Variants in ADAMTS6 observed in about 807,000 individuals in gnomAD.
The protein encoded by ADAMTS6 is ADAM metallopeptidase with thrombospondin type 1 motif 6.
In ADAMTS6, 23 loss-of-function variants were observed where a neutral mutation model predicts 144.3. The ratio of observed to expected loss-of-function variants is 0.16; its 90% CI spans 0.11 to 0.23. The LOEUF (loss-of-function observed/expected upper bound fraction) is 0.23. Ranked by LOEUF, ADAMTS6 falls within the 10% of genes least tolerant of loss-of-function variation. ADAMTS6 has a pLI of 1.00. For synonymous variants in ADAMTS6, 444 were observed against 457.5 expected (o/e 0.97, Z 0.38); for missense variants, 999 against 1,379.6 (o/e 0.72, Z 4.37).
chr5:65,152,811 T>C (rs1243022603), intron 24 of ADAMTS6, among the ~76,000 whole-genome samples: 2 of 152,242 alleles, frequency 1.3e-5, no homozygotes, highest in Non-Finnish European at 2.9e-5. Context: ...ATAATATTCT[T>C]TTCCAGTATT....
At chr5:65,265,225 T>C (rs1761518570) in intron 12 of ADAMTS6, among the ~76,000 whole-genome samples, 1 of 151,876 alleles carries the variant, frequency 6.6e-6, no homozygotes, top group Non-Finnish European at 1.5e-5. Context: ...AAAATTATCA[T>C]GAAGAAAAAA....
At position 65,262,839 on chromosome 5, in the gene ADAMTS6, G is replaced by A; in HGVS notation, c.1744C>T (p.Leu582=). 1.3e-6 allele frequency: 2 copies of A among 1,563,082 alleles called. No homozygotes were observed. The highest frequency in any genetic ancestry group is 1.7e-6 in the Non-Finnish European group (2 of 1,159,654). Residue 582 remains leucine (L), a synonymous_variant, in exon 13 of 25, where the codon CTA becomes TTA. Coordinates refer to ENST00000381055, the MANE Select transcript of ADAMTS6 (RefSeq NM_197941.4). Reference sequence around the variant, plus strand: ...TACGCTGGACTGTCACAGTGTCTTAGGGATGAGGAGACGCCTCCCCCGCAG... The same window carrying A: ...TACGCTGGACTGTCACAGTGTCTTAAGGATGAGGAGACGCCTCCCCCGCAG... ...RTCGGGVSSS[L]RHCDSPAPSG... is the part of the protein sequence containing the mutation.
intron 7 of ADAMTS6, among the ~76,000 whole-genome samples, chr5:65,371,725 A>G (rs57379636): frequency 3.9e-5 from 6 of 151,966 alleles, no homozygotes; most frequent in Admixed American, 3.9e-4. Flanking sequence ...GAACTTCCCC[A>G]ATCTAGCAAG....
intron 11 of ADAMTS6, among the ~76,000 whole-genome samples, chr5:65,282,803 C>G (rs999093770): frequency 4.6e-5 from 7 of 152,004 alleles, no homozygotes; most frequent in Admixed American, 1.3e-4. Context: ...CTGACCCCAC[C>G]TTCCCATCGT....
At chr5:65,287,962 T>G (rs1232512149) in intron 11 of ADAMTS6, among the ~76,000 whole-genome samples, 1 of 152,240 alleles carries the variant, frequency 6.6e-6, no homozygotes, top group Non-Finnish European at 1.5e-5. Flanking sequence ...TGTACTGTAC[T>G]GTTTTGTTCT....
intron 4 of ADAMTS6, among the ~76,000 whole-genome samples, chr5:65,458,608 C>T (rs1174807253): frequency 6.6e-6 from 1 of 152,180 alleles, no homozygotes; most frequent in African/African-American, 2.4e-5. Context: ...GACAGGGTTT[C>T]ACCATATTGG....
chr5:65,475,523 A>G (rs1250328955), intron 1 of ADAMTS6, among the ~76,000 whole-genome samples: 2 of 152,224 alleles, frequency 1.3e-5, no homozygotes, highest in African/African-American at 4.8e-5. Context: ...TGCCGTAATA[A>G]GGTCGTGCAA....
intron 7 of ADAMTS6, among the ~76,000 whole-genome samples, chr5:65,439,282 G>A (rs1160489723): frequency 6.6e-6 from 1 of 152,060 alleles, no homozygotes; most frequent in African/African-American, 2.4e-5. Context: ...TCATAAGAAA[G>A]TAGATCTTTA....
chr5:65,244,902 CAACTTTCTT>C (rs1759499856), intron 14 of ADAMTS6, among the ~76,000 whole-genome samples: 1 of 152,116 alleles, frequency 6.6e-6, no homozygotes, highest in Non-Finnish European at 1.5e-5. Flanking sequence ...TAACCAGATG[CAACTTTCTT>C]ATCTTTCCAA....
At chr5:65,170,939 A>G (rs1453078776) in intron 23 of ADAMTS6, among the ~76,000 whole-genome samples, 166 bp from the exon 24 acceptor site, 1 of 151,168 alleles carries the variant, frequency 6.6e-6, no homozygotes, top group Non-Finnish European at 1.5e-5. Flanking sequence ...CCTGACCTCA[A>G]GCAATCCTCC....
At chr5:65,354,056 T>C (rs1749101278) in intron 7 of ADAMTS6, among the ~76,000 whole-genome samples, 1 of 151,936 alleles carries the variant, frequency 6.6e-6, no homozygotes, top group Non-Finnish European at 1.5e-5. Context: ...CCTTTCTATG[T>C]AAATATGAGA....
chr5:65,284,531 A>C (rs949547900), intron 11 of ADAMTS6, among the ~76,000 whole-genome samples: 10 of 152,136 alleles, frequency 6.6e-5, no homozygotes, highest in African/African-American at 1.9e-4. Context: ...ATTTCTTACT[A>C]TAAATTAATA....
intron 3 of ADAMTS6, 127 bp from the exon 4 acceptor site, chr5:65,460,465 A>C: frequency 1.2e-6 from 1 of 832,744 alleles, no homozygotes; most frequent in Non-Finnish European, 1.8e-6. Flanking sequence ...TTAATAAAAA[A>C]ATTAGCGAAT....
At chr5:65,203,185 G>A (rs1169764850) in intron 20 of ADAMTS6, among the ~76,000 whole-genome samples, 1 of 152,168 alleles carries the variant, frequency 6.6e-6, no homozygotes, top group East Asian at 1.9e-4. Context: ...CTAGAAATAG[G>A]AAATTGTGAA....
chr5:65,321,708 C>CTTTTTTTTTT (rs529236363), intron 9 of ADAMTS6, among the ~76,000 whole-genome samples: 4 of 78,850 alleles, frequency 5.1e-5, no homozygotes, highest in Non-Finnish European at 6.9e-5. Context: ...TTTTCTTTTC[C>CTTTTTTTTTT]TTTTTTTTTT....
At chr5:65,229,378 A>G (rs901757262) in intron 15 of ADAMTS6, among the ~76,000 whole-genome samples, 5 of 152,218 alleles carry the variant, frequency 3.3e-5, no homozygotes, top group African/African-American at 1.2e-4. Flanking sequence ...ACAGCAACAC[A>G]GTACTTCAAG....
At chr5:65,172,184 G>A (rs1287373428) in intron 23 of ADAMTS6, among the ~76,000 whole-genome samples, 1 of 151,422 alleles carries the variant, frequency 6.6e-6, no homozygotes, top group Non-Finnish European at 1.5e-5. Flanking sequence ...GGAGGCCGAG[G>A]CGGGCGGATC....
intron 11 of ADAMTS6, among the ~76,000 whole-genome samples, chr5:65,285,825 A>G (rs1357329523): frequency 3.9e-5 from 6 of 152,188 alleles, no homozygotes; most frequent in Admixed American, 2.6e-4. Context: ...GTAACCAAAT[A>G]AGCAACATGA....
chr5:65,208,950 C>T (rs1216784018), intron 20 of ADAMTS6, among the ~76,000 whole-genome samples: 2 of 152,164 alleles, frequency 1.3e-5, no homozygotes, highest in East Asian at 3.8e-4. Flanking sequence ...TTAAAGCCTC[C>T]CCTAGACTAC....
Sources: gnomAD v4.1 joint callset for allele counts (sites outside exome capture counted in the v4.1 genomes callset) on GRCh38, gnomAD v4.1.1 for gene constraint, MANE v1.5 for transcripts, NCBI Gene and HGNC (gene_info 2026-07-23, HGNC 2026-07-21) for gene names.